Variants in NAALADL2 observed in about 807,000 individuals in gnomAD.
NAALADL2 encodes inactive N-acetylated-alpha-linked acidic dipeptidase-like protein 2.
A neutral mutation model predicts 87.2 loss-of-function variants in NAALADL2; 76 were observed. The ratio of observed to expected loss-of-function variants is 0.87; its 90% CI spans 0.72 to 1.05. The LOEUF is 1.05. NAALADL2 is among the 50% of genes least tolerant of loss of function. The pLI, the probability that NAALADL2 is intolerant of heterozygous loss-of-function variation, is 0.00. For missense variants in NAALADL2, 1,089 were observed against 945.8 expected (o/e 1.15, Z -1.99); for synonymous variants, 354 against 331.0 (o/e 1.07, Z -0.75).
chr3:175,730,611 A>G (rs1380705845), intron 11 of NAALADL2, among the ~76,000 whole-genome samples: 4 of 151,378 alleles, frequency 2.6e-5, no homozygotes, highest in Admixed American at 6.6e-5. Flanking sequence ...GATCTTGCCT[A>G]ACACTAGTGA....
At chr3:174,552,366 C>CA (rs1247626157) in intron 2 of NAALADL2, among the ~76,000 whole-genome samples, 3 of 152,072 alleles carry the variant, frequency 2.0e-5, no homozygotes, top group Non-Finnish European at 4.4e-5. Context: ...GCTCTTTATA[C>CA]AAGAAATATC....
chr3:174,854,979 A>G (rs550220487), upstream of NAALADL2, among the ~76,000 whole-genome samples: 6 of 151,804 alleles, frequency 4.0e-5, no homozygotes, highest in East Asian at 1.2e-3. Context: ...CTGGGACTAC[A>G]GACTCCCACC....
intron 1 of NAALADL2, among the ~76,000 whole-genome samples, chr3:175,057,706 G>T (rs1712514371): frequency 6.6e-6 from 1 of 152,140 alleles, no homozygotes; most frequent in Admixed American, 6.5e-5. Context: ...AGATGTCAAG[G>T]TCACTAAGAT....
At chr3:174,516,854 ATGT>A (rs1244269311) in intron 1 of NAALADL2, among the ~76,000 whole-genome samples, 5 of 152,004 alleles carry the variant, frequency 3.3e-5, no homozygotes, top group Non-Finnish European at 5.9e-5. Context: ...ATTTCTGTAA[ATGT>A]TGTTATATAT....
chr3:174,520,637 C>T (rs1489409798), intron 1 of NAALADL2, among the ~76,000 whole-genome samples: 2 of 152,112 alleles, frequency 1.3e-5, no homozygotes, highest in African/African-American at 4.8e-5. Context: ...CTTCTGGACA[C>T]TGGCCTAGGC....
At chr3:174,529,696 G>A (rs1490014213) in intron 1 of NAALADL2, among the ~76,000 whole-genome samples, 1 of 152,152 alleles carries the variant, frequency 6.6e-6, no homozygotes, top group Non-Finnish European at 1.5e-5. Flanking sequence ...CTTGACCTCT[G>A]TGCACTGGCA....
At chr3:174,947,122 A>C (rs191892918) in intron 1 of NAALADL2, among the ~76,000 whole-genome samples, 2 of 152,232 alleles carry the variant, frequency 1.3e-5, no homozygotes, top group Admixed American at 1.3e-4. Flanking sequence ...TCTATAGTGC[A>C]TTTATCTCTA....
intron 1 of NAALADL2, among the ~76,000 whole-genome samples, chr3:175,080,783 T>G (rs553788550): frequency 6.6e-6 from 1 of 152,244 alleles, no homozygotes; most frequent in Non-Finnish European, 1.5e-5. Flanking sequence ...AGTAAATATC[T>G]TCTATGCAGT....
intron 13 of NAALADL2, 57 bp downstream of exon 13, chr3:175,755,475 A>G: frequency 7.8e-7 from 1 of 1,274,620 alleles, no homozygotes; most frequent in Admixed American, 2.4e-5. Flanking sequence ...GTTTATGTTT[A>G]ACTTTCAGAA....
intron 1 of NAALADL2, among the ~76,000 whole-genome samples, chr3:175,035,206 C>G (rs1257051696): frequency 6.6e-6 from 1 of 152,054 alleles, no homozygotes; most frequent in Non-Finnish European, 1.5e-5. Flanking sequence ...TGGGATGCAA[C>G]ACAATAGAGT....
chr3:175,310,850 A>G (rs995515848), intron 4 of NAALADL2, among the ~76,000 whole-genome samples: 2 of 152,122 alleles, frequency 1.3e-5, no homozygotes, highest in Non-Finnish European at 2.9e-5. Context: ...ATGATTTAAT[A>G]TCAAACATAT....
intron 3 of NAALADL2, among the ~76,000 whole-genome samples, chr3:175,255,432 T>G (rs1333303427): frequency 6.6e-6 from 1 of 152,242 alleles, no homozygotes; most frequent in Non-Finnish European, 1.5e-5. Context: ...TTCTCCATCT[T>G]TATTTTTTTC....
chr3:175,432,896 C>T (rs1041456394), intron 5 of NAALADL2, among the ~76,000 whole-genome samples: 2 of 152,004 alleles, frequency 1.3e-5, no homozygotes, highest in Non-Finnish European at 2.9e-5. Flanking sequence ...TTATTGTTTC[C>T]TCTGACTGTA....
intron 1 of NAALADL2, among the ~76,000 whole-genome samples, chr3:175,061,475 T>C (rs1713469158): frequency 1.3e-5 from 2 of 152,114 alleles, no homozygotes; most frequent in African/African-American, 4.8e-5. Flanking sequence ...TCCATAGACA[T>C]TTCAAATGCA....
intron 12 of NAALADL2, among the ~76,000 whole-genome samples, chr3:175,745,046 T>C (rs916262313): frequency 5.9e-5 from 9 of 152,238 alleles, no homozygotes; most frequent in Admixed American, 2.0e-4. Context: ...TGAAACCCAA[T>C]TGCATTTTCA....
intron 2 of NAALADL2, among the ~76,000 whole-genome samples, chr3:174,687,969 C>T (rs1229528550): frequency 6.6e-6 from 1 of 152,166 alleles, no homozygotes; most frequent in Non-Finnish European, 1.5e-5. Context: ...CTATGTGAAA[C>T]AATCAGTTCA....
intron 2 of NAALADL2, among the ~76,000 whole-genome samples, chr3:174,598,328 C>G (rs1319850874): frequency 1.3e-5 from 2 of 152,076 alleles, no homozygotes; most frequent in Admixed American, 6.6e-5. Flanking sequence ...TGTTTTTACT[C>G]TGCATCAATT....
Position 175,173,551 on chromosome 3 carries a change from A to T in NAALADL2, c.546-60380A>T, listed in dbSNP as rs191292300. Among the ~76,000 whole-genome samples the T allele has an allele frequency of 9.2e-5, 14 of 152,294 alleles. No individual in the cohort carries two copies. In the East Asian group the frequency reaches 2.7e-3, roughly 29 times the overall value. ...AAATAGTTTATTTTAGCGGAGCTACAGTGATTTAATCTTAAATATGAACCT... is the reference window on the plus strand; with the variant it reads ...AAATAGTTTATTTTAGCGGAGCTACTGTGATTTAATCTTAAATATGAACCT... On this transcript the variant is annotated intron_variant, in intron 2 of 13. Coordinates refer to ENST00000454872, the MANE Select transcript of NAALADL2 (RefSeq NM_207015.3).
chr3:174,755,011 C>A (rs577429616), intron 3 of NAALADL2, among the ~76,000 whole-genome samples: 89 of 152,274 alleles, frequency 5.8e-4, no homozygotes, highest in African/African-American at 1.9e-3. Context: ...TGTCCCCACC[C>A]AAATCTCGTC....
Sources: gnomAD v4.1 joint callset for allele counts (sites outside exome capture counted in the v4.1 genomes callset) on GRCh38, gnomAD v4.1.1 for gene constraint, MANE v1.5 for transcripts, NCBI Gene and HGNC (gene_info 2026-07-23, HGNC 2026-07-21) for gene names.